The following GARIN2 variants were observed in gnomAD, a reference collection of about 807,000 sequenced individuals.
The protein encoded by GARIN2 is Golgi-associated RAB2 interactor protein 2.
the GARIN2 span, chr14:67,225,094 A>G: frequency 6.5e-7 from 1 of 1,535,364 alleles, no homozygotes; most frequent in Non-Finnish European, 8.8e-7. Context: ...TACTTTCCTT[A>G]TTCTTTTTCT....
the GARIN2 span, chr14:67,199,111 T>TG: frequency 1.6e-6 from 2 of 1,258,998 alleles, no homozygotes; most frequent in South Asian, 1.2e-5. Flanking sequence ...ACTGTGTACG[T>TG]GGGGGGCCTG....
the GARIN2 span, chr14:67,225,005 CTT>C: frequency 1.2e-6 from 1 of 857,860 alleles, no homozygotes. Flanking sequence ...AAAATAAGCT[CTT>C]TCTCCTTCTG....
the GARIN2 span, among the ~76,000 whole-genome samples, chr14:67,202,382 A>T: frequency 7.2e-5 from 11 of 152,222 alleles, no homozygotes; most frequent in African/African-American, 2.7e-4. Flanking sequence ...CAGAGGTTGT[A>T]GTAAGCCGAG....
chr14:67,224,557 G>A, the GARIN2 span: 2 of 207,432 alleles, frequency 9.6e-6, no homozygotes, highest in Non-Finnish European at 2.0e-5. Context: ...ACTGTGCCCG[G>A]CCCCATTTCT....
the GARIN2 span, chr14:67,203,110 A>T: frequency 6.2e-7 from 1 of 1,613,124 alleles, no homozygotes. Context: ...AGAAGAGGTG[A>T]ATCCATTTAC....
At chr14:67,195,573 C>T in the GARIN2 span, among the ~76,000 whole-genome samples, 1 of 152,190 alleles carries the variant, frequency 6.6e-6, no homozygotes. Flanking sequence ...CACTCTTTCA[C>T]TTAACTCTGT....
chr14:67,190,433 G>A, the GARIN2 span, among the ~76,000 whole-genome samples: 3 of 151,942 alleles, frequency 2.0e-5, no homozygotes, highest in Admixed American at 2.0e-4. Flanking sequence ...CATTTGGCCA[G>A]GCTGGTCTCG....
At chr14:67,196,185 G>C in the GARIN2 span, among the ~76,000 whole-genome samples, 21 of 151,626 alleles carry the variant, frequency 1.4e-4, no homozygotes, top group African/African-American at 4.8e-4. Context: ...TCATACTGGA[G>C]CTTTCTTTTT....
the GARIN2 span, among the ~76,000 whole-genome samples, chr14:67,217,750 G>C: frequency 6.6e-6 from 1 of 151,934 alleles, no homozygotes; most frequent in African/African-American, 2.4e-5. Context: ...AATCTTAAGA[G>C]TTTTCTTAAG....
At chr14:67,210,339 A>C in the GARIN2 span, among the ~76,000 whole-genome samples, 2 of 152,198 alleles carry the variant, frequency 1.3e-5, no homozygotes, top group East Asian at 3.9e-4. Context: ...TAATCCCAGC[A>C]CTTTGGGAGG....
At chr14:67,206,514 C>A in the GARIN2 span, among the ~76,000 whole-genome samples, 31 of 151,676 alleles carry the variant, frequency 2.0e-4, no homozygotes, top group Non-Finnish European at 2.8e-4. Context: ...AACAAACAAA[C>A]AAAAAAACCT....
the GARIN2 span, among the ~76,000 whole-genome samples, chr14:67,214,575 A>G: frequency 6.6e-6 from 1 of 152,060 alleles, no homozygotes; most frequent in Non-Finnish European, 1.5e-5. Flanking sequence ...GTAGCCTTGT[A>G]GTATAGTTTG....
the GARIN2 span, among the ~76,000 whole-genome samples, chr14:67,193,595 A>G: frequency 2.8e-5 from 4 of 144,402 alleles, no homozygotes; most frequent in Admixed American, 2.8e-4. Context: ...ATATAGATAT[A>G]TATCTATAGA....
At chr14:67,192,473 G>A in the GARIN2 span, among the ~76,000 whole-genome samples, 2 of 151,566 alleles carry the variant, frequency 1.3e-5, no homozygotes, top group Non-Finnish European at 2.9e-5. Flanking sequence ...TGGATCAGAG[G>A]GTGGGGTCTG....
the GARIN2 span, among the ~76,000 whole-genome samples, chr14:67,202,099 G>A: frequency 2.5e-4 from 38 of 152,298 alleles, no homozygotes; most frequent in African/African-American, 8.9e-4. Context: ...CGATTGGTAC[G>A]TGTTCAGGAA....
At chr14:67,199,406 C>T in the GARIN2 span, 13 of 1,613,770 alleles carry the variant, frequency 8.1e-6, no homozygotes, top group South Asian at 1.2e-4. Flanking sequence ...TGAGAAGTTG[C>T]TTTATGATAC....
At chr14:67,220,881 G>T in the GARIN2 span, among the ~76,000 whole-genome samples, 1 of 152,182 alleles carries the variant, frequency 6.6e-6, no homozygotes, top group African/African-American at 2.4e-5. Flanking sequence ...TGAACTGGGT[G>T]TATTTGCCAG....
the GARIN2 span, among the ~76,000 whole-genome samples, chr14:67,196,267 A>C: frequency 6.8e-6 from 1 of 148,062 alleles, no homozygotes. Context: ...CCCAGCCTGC[A>C]GTGCATTGGC....
At chr14:67,193,779 CA>C in the GARIN2 span, among the ~76,000 whole-genome samples, 308 of 88,826 alleles carry the variant, frequency 3.5e-3, no homozygotes, top group Middle Eastern at 0.015. Context: ...CCAATTTCTA[CA>C]AAAAAAAAAA....
Sources: allele counts gnomAD v4.1 joint callset (sites outside exome capture counted in the v4.1 genomes callset), GRCh38; gene constraint gnomAD v4.1.1; transcripts MANE v1.5; gene names NCBI Gene and HGNC (gene_info 2026-07-23, HGNC 2026-07-21).